Variants in ADARB2 observed in about 807,000 individuals in gnomAD.
The protein encoded by ADARB2 is adenosine deaminase RNA specific B2 (inactive), also known as inactive double-stranded RNA-specific editase B2.
ADARB2 carries 25 observed loss-of-function variants against 62.2 expected under a neutral mutation model. The ratio of observed to expected loss-of-function variants is 0.40; its 90% CI spans 0.29 to 0.56. The LOEUF is 0.56. Among genes scored for constraint, ADARB2 ranks in the 20% least tolerant of loss-of-function variants. ADARB2 has a pLI of 0.43. For missense variants in ADARB2, 1,071 were observed against 1,077.4 expected, an observed-to-expected ratio of 0.99 and a Z score of 0.08; for synonymous variants, 572 against 500.8, an observed-to-expected ratio of 1.14 and a Z score of -1.90.
At chr10:1,500,974 A>G (rs866600953) in intron 1 of ADARB2, among the ~76,000 whole-genome samples, 9 of 152,300 alleles carry the variant, frequency 5.9e-5, no homozygotes, top group Middle Eastern at 6.8e-3. Flanking sequence ...TCCCAGGTTC[A>G]AGCGATTCTC....
intron 1 of ADARB2, among the ~76,000 whole-genome samples, chr10:1,706,713 T>A (rs1834894066): frequency 6.6e-6 from 1 of 152,256 alleles, no homozygotes; most frequent in Non-Finnish European, 1.5e-5. Context: ...CAGGTATTTT[T>A]ATCTTCTGCC....
intron 1 of ADARB2, among the ~76,000 whole-genome samples, chr10:1,674,268 C>T (rs1834432420): frequency 6.6e-6 from 1 of 152,224 alleles, no homozygotes; most frequent in Non-Finnish European, 1.5e-5. Context: ...ACTGTGGGGG[C>T]CCCCGCAGCC....
chr10:1,384,249 G>A (rs1415949732), intron 1 of ADARB2, among the ~76,000 whole-genome samples: 1 of 152,228 alleles, frequency 6.6e-6, no homozygotes, highest in African/African-American at 2.4e-5. Context: ...ACGCTTCCCG[G>A]TCCAAGGACC....
chr10:1,568,392 G>C (rs1218147723), intron 1 of ADARB2, among the ~76,000 whole-genome samples: 4 of 152,232 alleles, frequency 2.6e-5, no homozygotes, highest in African/African-American at 4.8e-5. Flanking sequence ...ACACGGTCCA[G>C]CTGCGGGGCC....
At chr10:1,224,850 T>C (rs539356377) in intron 6 of ADARB2, among the ~76,000 whole-genome samples, 72 of 152,326 alleles carry the variant, frequency 4.7e-4, no homozygotes, top group African/African-American at 1.7e-3. Context: ...GTGGTCAGTT[T>C]TGGAGTAGGT....
chr10:1,245,885 T>C (rs1403807979), intron 4 of ADARB2, among the ~76,000 whole-genome samples: 3 of 151,720 alleles, frequency 2.0e-5, no homozygotes, highest in Non-Finnish European at 4.4e-5. Context: ...ATGGTATTTC[T>C]AGTTCTAGAT....
intron 1 of ADARB2, among the ~76,000 whole-genome samples, chr10:1,427,631 G>A (rs1458617765): frequency 1.3e-5 from 2 of 152,210 alleles, no homozygotes; most frequent in African/African-American, 4.8e-5. Flanking sequence ...TGGTGGGAAA[G>A]TAAAATGTTA....
intron 1 of ADARB2, among the ~76,000 whole-genome samples, chr10:1,656,903 C>T (rs932939503): frequency 2.0e-5 from 3 of 151,276 alleles, no homozygotes. Flanking sequence ...TAGGATGGGC[C>T]AGAAAAAAAC....
intron 8 of ADARB2, chr10:1,186,453 T>C: frequency 3.9e-6 from 2 of 518,304 alleles, no homozygotes; most frequent in Non-Finnish European, 7.7e-6. Flanking sequence ...CCTTGTCCCA[T>C]TGGTGCCTCC....
intron 3 of ADARB2, among the ~76,000 whole-genome samples, chr10:1,280,748 C>T (rs1371640297): frequency 6.6e-6 from 1 of 151,116 alleles, no homozygotes; most frequent in African/African-American, 2.4e-5. Context: ...AGTGATGCTC[C>T]GTGAAATTCC....
chr10:1,451,793 T>C (rs1417326748), intron 1 of ADARB2, among the ~76,000 whole-genome samples: 1 of 143,606 alleles, frequency 7.0e-6, no homozygotes, highest in African/African-American at 2.8e-5. Flanking sequence ...ACACCGAACA[T>C]ACTTGCAGAG....
At chr10:1,576,959 C>T (rs373424363) in intron 1 of ADARB2, among the ~76,000 whole-genome samples, 12 of 152,232 alleles carry the variant, frequency 7.9e-5, no homozygotes, top group South Asian at 6.2e-4. Flanking sequence ...TGGGTGACAG[C>T]GGGCCTCAGG....
intron 1 of ADARB2, among the ~76,000 whole-genome samples, chr10:1,626,445 T>G (rs1442615678): frequency 6.6e-6 from 1 of 151,972 alleles, no homozygotes; most frequent in Non-Finnish European, 1.5e-5. Flanking sequence ...ACCCCACGTC[T>G]GCCCACGCCT....
chr10:1,434,773 G>T (rs1266797459), intron 1 of ADARB2, among the ~76,000 whole-genome samples: 1 of 152,206 alleles, frequency 6.6e-6, no homozygotes, highest in Non-Finnish European at 1.5e-5. Flanking sequence ...ACTAGAAGAA[G>T]TTCATCACTT....
chr10:1,592,393 G>A (rs1833270954), intron 1 of ADARB2, among the ~76,000 whole-genome samples: 1 of 69,132 alleles, frequency 1.4e-5, no homozygotes, highest in Non-Finnish European at 3.2e-5. Context: ...CTTCGCCCAA[G>A]CCACCCTCCA....
chr10:1,469,432 C>T (rs765538455), intron 1 of ADARB2, among the ~76,000 whole-genome samples: 39 of 152,220 alleles, frequency 2.6e-4, no homozygotes, highest in Admixed American at 9.2e-4. Flanking sequence ...AATTGAAAAC[C>T]GTTGGATTCT....
chr10:1,400,740 T>C (rs1248878676), intron 1 of ADARB2, among the ~76,000 whole-genome samples: 3 of 152,180 alleles, frequency 2.0e-5, no homozygotes, highest in African/African-American at 7.2e-5. Context: ...ACCTGGTCAC[T>C]GAGAGCCTCC....
intron 3 of ADARB2, among the ~76,000 whole-genome samples, chr10:1,305,414 T>C (rs186496219): frequency 0.55 from 82,284 of 150,512 alleles, 24,729 homozygotes; most frequent in East Asian, 0.93. Context: ...TAATCAATAG[T>C]TTACCAACCA....
At position 1,399,533 on chromosome 10, in the gene ADARB2, G is replaced by A. The variant is rs186743388; in HGVS notation, c.101-20373C>T. ...CAGGGTCTAGCAGGGTCCCCGGCCT[G>A]GTGCCTGGGGTCCCTCTGCCTCTCA... On this transcript the variant is annotated intron_variant, in intron 1 of 9. Transcript: ENST00000381312. 1.6e-3 allele frequency among the ~76,000 whole-genome samples: 242 copies of A among 152,144 alleles called. 4 individuals are homozygous for A. The highest frequency in any genetic ancestry group is 4.6e-3 in the South Asian group (22 of 4,810).
Sources: gnomAD v4.1 joint callset for allele counts (sites outside exome capture counted in the v4.1 genomes callset) on GRCh38, gnomAD v4.1.1 for gene constraint, MANE v1.5 for transcripts, NCBI Gene and HGNC (gene_info 2026-07-23, HGNC 2026-07-21) for gene names.